Variants in CLVS1 observed in about 807,000 individuals in gnomAD.
CLVS1 encodes the protein clavesin 1.
A neutral mutation model predicts 33.1 loss-of-function variants in CLVS1; 10 were observed. That is an observed-to-expected ratio of 0.30 (90% CI 0.19 to 0.51). CLVS1 has a LOEUF of 0.51. Ranked by LOEUF, CLVS1 falls within the 20% of genes least tolerant of loss-of-function variation. CLVS1 has a pLI of 0.97. For missense variants in CLVS1, 343 were observed against 433.4 expected, an observed-to-expected ratio of 0.79 and a Z score of 1.85; for synonymous variants, 163 against 166.1, an observed-to-expected ratio of 0.98 and a Z score of 0.14.
intron 3 of CLVS1, among the ~76,000 whole-genome samples, chr8:61,412,351 A>G (rs564840292): frequency 6.6e-6 from 1 of 152,324 alleles, no homozygotes; most frequent in East Asian, 1.9e-4. Context: ...AAAACAAAGT[A>G]CTGTGAAGGT....
chr8:61,282,642 G>T (rs111849781), intron 2 of CLVS1, among the ~76,000 whole-genome samples: 1 of 152,194 alleles, frequency 6.6e-6, no homozygotes, highest in Non-Finnish European at 1.5e-5. Flanking sequence ...TAATTGCTGT[G>T]AGGATTCAAT....
chr8:61,234,357 AC>A (rs1808508979), intron 2 of CLVS1, among the ~76,000 whole-genome samples: 1 of 152,158 alleles, frequency 6.6e-6, no homozygotes, highest in African/African-American at 2.4e-5. Context: ...TCCCCTTGAT[AC>A]ATTTCTCATG....
At chr8:61,341,716 T>C (rs947238453) in intron 2 of CLVS1, among the ~76,000 whole-genome samples, 1 of 152,190 alleles carries the variant, frequency 6.6e-6, no homozygotes. Flanking sequence ...TAGGAGACAG[T>C]CTCACAGTAT....
intron 1 of CLVS1, among the ~76,000 whole-genome samples, chr8:61,089,819 G>A (rs1249917658): frequency 6.6e-6 from 1 of 152,176 alleles, no homozygotes; most frequent in Non-Finnish European, 1.5e-5. Context: ...TACTTTGGGA[G>A]GCTGAGGCAG....
At chr8:61,427,365 C>T (rs1467369475) in intron 3 of CLVS1, among the ~76,000 whole-genome samples, 1 of 152,116 alleles carries the variant, frequency 6.6e-6, no homozygotes, top group African/African-American at 2.4e-5. Flanking sequence ...TTTATTCCCT[C>T]GTTCAGTCAT....
chr8:61,141,815 C>T (rs1563418472), intron 2 of CLVS1, among the ~76,000 whole-genome samples: 1 of 152,226 alleles, frequency 6.6e-6, no homozygotes, highest in Non-Finnish European at 1.5e-5. Flanking sequence ...TGGCCAGTCT[C>T]TGCTGGTGAC....
upstream of CLVS1, among the ~76,000 whole-genome samples, chr8:61,055,084 A>C (rs1804452949): frequency 6.6e-6 from 1 of 152,212 alleles, no homozygotes; most frequent in Non-Finnish European, 1.5e-5. Flanking sequence ...CTCATCATGG[A>C]ATAGAAATGA....
At chr8:61,017,605 G>A in the CLVS1 span, among the ~76,000 whole-genome samples, 16 of 152,376 alleles carry the variant, frequency 1.1e-4, no homozygotes, top group South Asian at 3.3e-3. Flanking sequence ...TAGCTGGACA[G>A]GATTCATAGG....
At chr8:61,171,520 A>C (rs1806998238) in intron 2 of CLVS1, among the ~76,000 whole-genome samples, 1 of 152,152 alleles carries the variant, frequency 6.6e-6, no homozygotes, top group Non-Finnish European at 1.5e-5. Flanking sequence ...TTCAATAAGG[A>C]GGTGGGAAGT....
chr8:61,316,064 T>G (rs1380587503), intron 2 of CLVS1, among the ~76,000 whole-genome samples: 1 of 152,202 alleles, frequency 6.6e-6, no homozygotes, highest in Non-Finnish European at 1.5e-5. Context: ...GAACTCATCC[T>G]TTTTTATGGC....
chr8:61,256,498 G>A (rs1585727128), intron 2 of CLVS1, among the ~76,000 whole-genome samples: 1 of 152,132 alleles, frequency 6.6e-6, no homozygotes, highest in Non-Finnish European at 1.5e-5. Flanking sequence ...GGATGACAGA[G>A]CGAGACTCCG....
rs576668332 is a variant in CLVS1, at chr8:61,483,882, C to T, written c.978-15573C>T. ...ATCTCAATAGATGCAGAAAAGGCTC[C>T]GACAAAATTCAACAACCTTCATGCT... is the stretch of plus-strand genomic sequence containing the variant. On this transcript the variant is annotated intron_variant, in intron 5 of 5. Transcript: ENST00000325897. Among the ~76,000 whole-genome samples, 146 of 152,106 alleles carry T rather than the reference C, an allele frequency of 9.6e-4. 1 individual carries two copies. Among genetic ancestry groups the T allele is most frequent in the South Asian group, 6.0e-3 (29 of 4,818 alleles).
chr8:61,445,131 G>A (rs977923249), intron 3 of CLVS1, among the ~76,000 whole-genome samples: 1 of 152,098 alleles, frequency 6.6e-6, no homozygotes, highest in Non-Finnish European at 1.5e-5. Context: ...TGCATCTCTG[G>A]AATAAACTCA....
At chr8:60,997,154 T>C in the CLVS1 span, among the ~76,000 whole-genome samples, 2 of 152,134 alleles carry the variant, frequency 1.3e-5, no homozygotes, top group African/African-American at 4.8e-5. Context: ...AGGTGGGGGA[T>C]GTCAAAGGCT....
chr8:61,272,651 C>T (rs1809470855), intron 2 of CLVS1, among the ~76,000 whole-genome samples: 1 of 152,192 alleles, frequency 6.6e-6, no homozygotes, highest in South Asian at 2.1e-4. Context: ...TAGATTTGGT[C>T]TTTTCACGTA....
At chr8:61,434,772 A>G (rs1489531238) in intron 3 of CLVS1, among the ~76,000 whole-genome samples, 1 of 152,186 alleles carries the variant, frequency 6.6e-6, no homozygotes, top group African/African-American at 2.4e-5. Flanking sequence ...CACAGAGAGC[A>G]CAGGTTGTAA....
At chr8:61,254,494 T>C (rs1809029108) in intron 2 of CLVS1, among the ~76,000 whole-genome samples, 1 of 152,222 alleles carries the variant, frequency 6.6e-6, no homozygotes, top group South Asian at 2.1e-4. Flanking sequence ...CTGCCTTTTG[T>C]TTGGCTATGC....
chr8:61,371,808 C>A (rs1400307346), intron 2 of CLVS1, among the ~76,000 whole-genome samples: 1 of 152,126 alleles, frequency 6.6e-6, no homozygotes, highest in Non-Finnish European at 1.5e-5. Context: ...AACAGTAGAA[C>A]CTAAAAATGA....
chr8:61,135,997 A>T (rs1806185635), intron 2 of CLVS1, among the ~76,000 whole-genome samples: 1 of 152,252 alleles, frequency 6.6e-6, no homozygotes. Flanking sequence ...GACCTGGCAC[A>T]AGCCACATCA....
Sources: gnomAD v4.1 joint callset for allele counts (sites outside exome capture counted in the v4.1 genomes callset) on GRCh38, gnomAD v4.1.1 for gene constraint, MANE v1.5 for transcripts, NCBI Gene and HGNC (gene_info 2026-07-23, HGNC 2026-07-21) for gene names.